Variants in NEB observed in about 807,000 individuals in gnomAD.
NEB encodes the protein nebulin, also known as nemaline myopathy type 2.
NEB carries 512 observed loss-of-function variants against 952.2 expected under a neutral mutation model. The ratio of observed to expected loss-of-function variants is 0.54; its 90% CI spans 0.50 to 0.58. The LOEUF is 0.58. Among genes scored for constraint, NEB ranks in the 20% least tolerant of loss-of-function variants. The pLI is 0.00. For synonymous variants in NEB, 2,900 were observed against 3,149.8 expected, an observed-to-expected ratio of 0.92 and a Z score of 2.66; for missense variants, 8,428 against 9,231.1, an observed-to-expected ratio of 0.91 and a Z score of 3.56.
At position 151,632,902 on chromosome 2, in the gene NEB, T is replaced by C. The variant is rs1422558635; in HGVS notation, c.9414+752A>G. Among the ~76,000 whole-genome samples the C allele has an allele frequency of 3.3e-5, 5 of 152,184 alleles. No homozygotes were observed. In the East Asian group the frequency reaches 9.6e-4, roughly 29 times the overall value. On this transcript the variant is annotated intron_variant, in intron 65 of 181. Transcript: ENST00000397345. ...CTATCTTTTCTGTGCAGGCAAAGCC[T>C]TTCTTTTTGGAAAGAATTGCAAAAC...
intron 15 of NEB, 27 bp from the exon 16 acceptor site, chr2:151,697,279 G>C (rs1339014438): frequency 6.2e-7 from 1 of 1,609,350 alleles, no homozygotes. Flanking sequence ...TTAGGCATAA[G>C]ATGCAGCCAT....
chr2:151,491,450 A>G, intron 179 of NEB: 1 of 366,902 alleles, frequency 2.7e-6, no homozygotes, highest in Non-Finnish European at 5.1e-6. Context: ...AAAATTAGAA[A>G]TGATAATAAT....
At position 151,627,169 on chromosome 2, in the gene NEB, T is replaced by C. The variant is rs371095047; in HGVS notation, c.10180A>G (p.Ile3394Val). 3.7e-6 allele frequency: 6 copies of C among 1,613,830 alleles called. No individual in the cohort carries two copies. The highest frequency in any genetic ancestry group is 3.3e-5 in the South Asian group (3 of 91,080). The part of the protein sequence containing the change: ...YKSDLQWLRG[I>V]GWVPIGSMDV... The stretch of plus-strand genomic sequence containing the variant: ...ATAGACCCAATGGGGACCCAGCCAA[T>C]GCCTCTCAGCCACTGGAGATCAGAT... Residue 3394 changes from isoleucine to valine, a missense_variant, in exon 70 of 182, where the codon ATT (isoleucine) becomes GTT (valine). Ile to Val is a conservative substitution (Grantham distance 29). This residue lies in a region of NEB where 1,772 missense variants were observed against 1,960.3 expected (regional missense o/e 0.90). Coordinates refer to ENST00000397345, the MANE Select transcript of NEB (RefSeq NM_001164508.2).
Position 151,619,580 on chromosome 2 carries a change from G to T in NEB, c.10743C>A (p.Ile3581=), listed in dbSNP as rs745748427. 1 of 1,613,910 alleles carries T rather than the reference G, an allele frequency of 6.2e-7. No homozygotes were observed. Among genetic ancestry groups the T allele is most frequent in the Non-Finnish European group, 8.5e-7 (1 of 1,179,852 alleles). Residue 3581 remains isoleucine (I), a synonymous_variant, in exon 73 of 182, where the codon ATC becomes ATA. Transcript: ENST00000397345. Reference sequence around the variant, plus strand: ...AGGTCTGACACTTCTTGGCCAAAACGATACCAAGCATGTCCACTGGGCTGC... The same window carrying T: ...AGGTCTGACACTTCTTGGCCAAAACTATACCAAGCATGTCCACTGGGCTGC... The part of the protein sequence containing the change: ...RYSSPVDMLG[I]VLAKKCQTLV...
In NEB at chr2:151,650,868, G is replaced by A. The variant is rs1156601950; in HGVS notation, c.6933C>T (p.Gly2311=). ...CATGGTGGCCAAGTTGCTTTCGGTA[G>A]CCTTGTTTGTATTTATACTGAAATC... The part of the protein sequence containing the change: ...DIASDYKYKQ[G]YRKQLGHHVG... Residue 2311 remains glycine (G), a synonymous_variant, in exon 53 of 182, where the codon GGC becomes GGT. Transcript: ENST00000397345. 2 of 1,611,980 alleles carry A rather than the reference G, an allele frequency of 1.2e-6. No individual in the cohort carries two copies. The highest frequency in any genetic ancestry group is 1.7e-6 in the Non-Finnish European group (2 of 1,178,824).
intron 181 of NEB, among the ~76,000 whole-genome samples, chr2:151,487,506 A>G (rs2051838173): frequency 6.6e-6 from 1 of 152,206 alleles, no homozygotes; most frequent in Admixed American, 6.5e-5. Flanking sequence ...CATTTAATAT[A>G]GCTTGGAAGT....
Position 151,518,286 on chromosome 2 carries a change from G to A in NEB, c.22800+32C>T, listed in dbSNP as rs16830136. 0.61 allele frequency: 883,584 copies of A among 1,451,234 alleles called. 272,464 individuals are homozygous for A. The highest frequency in any genetic ancestry group is 0.72 in the Admixed American group (42,833 of 59,780). The allele number at this position is 1,451,234 out of a possible 1,614,324, so 89.9% of individuals were successfully genotyped here. On this transcript the variant is annotated intron_variant, in intron 156 of 181. Coordinates refer to ENST00000397345, the MANE Select transcript of NEB (RefSeq NM_001164508.2). ...CACATTGTACTGTGGATGAATGTGC[G>A]CCAGAGGAAAAATCGGTCTTGATCC...
chr2:151,661,635 A>G (rs1304956156), intron 46 of NEB, among the ~76,000 whole-genome samples: 1 of 152,222 alleles, frequency 6.6e-6, no homozygotes, highest in Non-Finnish European at 1.5e-5. Flanking sequence ...AAAAGCTGGA[A>G]TAATTCATGA....
rs2151172705 is a variant in NEB, at chr2:151,733,719, C to T, written c.-37G>A. 1 of 152,230 alleles carries T rather than the reference C, an allele frequency of 6.6e-6. No homozygotes were observed. Among genetic ancestry groups the T allele is most frequent in the East Asian group, 1.9e-4 (1 of 5,208 alleles). The allele number at this position is 152,230 out of a possible 1,614,324, so 9.4% of individuals were successfully genotyped here. On this transcript the variant is annotated 5_prime_UTR_variant, in exon 2 of 182. Transcript: ENST00000397345. ...TAAAAGAAAAAAAGAAACCTCAAGG[C>T]AATGGGGTTATTTTCTTCCCGAACA...
intron 161 of NEB, among the ~76,000 whole-genome samples, chr2:151,508,684 CA>C (rs1199658643): frequency 6.6e-6 from 1 of 152,028 alleles, no homozygotes; most frequent in East Asian, 1.9e-4. Flanking sequence ...CTGCAGAAAG[CA>C]GCCTGACAGG....
At position 151,563,751 on chromosome 2, in the gene NEB, G is replaced by A. The variant is rs62174683; in HGVS notation, c.18580-32C>T. ...AGTGGGTTAAACATTGAGAATCGCTGGAGTTTCCTAACCAGCCCCTTGATC... is the reference window on the plus strand; with the variant it reads ...AGTGGGTTAAACATTGAGAATCGCTAGAGTTTCCTAACCAGCCCCTTGATC... On this transcript the variant is annotated intron_variant, in intron 118 of 181. Transcript: ENST00000397345. 28,989 of 1,608,658 alleles carry A rather than the reference G, an allele frequency of 0.018. 314 individuals carry two copies. Among genetic ancestry groups the A allele is most frequent in the Non-Finnish European group, 0.021 (24,549 of 1,175,148 alleles).
At chr2:151,676,263 A>C (rs2154201583) in intron 34 of NEB, among the ~76,000 whole-genome samples, 1 of 152,292 alleles carries the variant, frequency 6.6e-6, no homozygotes, top group South Asian at 2.1e-4. Flanking sequence ...CTTTAAGAAC[A>C]ATATCTAAGC....
intron 142 of NEB, chr2:151,534,364 G>T: frequency 1.9e-6 from 3 of 1,538,770 alleles, no homozygotes; most frequent in Middle Eastern, 1.7e-4. Flanking sequence ...ACAACTTCAA[G>T]GCTACACAAA....
chr2:151,727,675 G>A lies in NEB; in HGVS notation c.294+16C>T. 2 of 1,602,452 alleles carry A rather than the reference G, an allele frequency of 1.2e-6. No homozygotes were observed. The highest frequency in any genetic ancestry group is 1.3e-5 in the African/African-American group (1 of 74,806). Reference sequence around the variant, plus strand: ...TAATAATCAAGCCAGGTTAGCAGAAGTTGTTTGAAACTTACTGGGCTAAAA... The same window carrying A: ...TAATAATCAAGCCAGGTTAGCAGAAATTGTTTGAAACTTACTGGGCTAAAA... On this transcript the variant is annotated intron_variant, in intron 5 of 181. Coordinates refer to ENST00000397345, the MANE Select transcript of NEB (RefSeq NM_001164508.2).
intron 180 of NEB, 65 bp from the exon 181 acceptor site, chr2:151,490,142 T>TA: frequency 1.5e-6 from 2 of 1,323,996 alleles, no homozygotes; most frequent in Non-Finnish European, 2.1e-6. Context: ...AATCTGTGTT[T>TA]AGCAGCTGAG....
At position 151,613,564 on chromosome 2, in the gene NEB, A is replaced by G. The variant is rs541102012; in HGVS notation, c.11601+712T>C. Among the ~76,000 whole-genome samples, 3 of 152,324 alleles carry G rather than the reference A, an allele frequency of 2.0e-5. No individual in the cohort carries two copies. In the South Asian group the frequency reaches 6.2e-4, roughly 32 times the overall value. On this transcript the variant is annotated intron_variant, in intron 77 of 181. Transcript: ENST00000397345. ...ACACCTGACTTTGTCAGCTATAGAA[A>G]TCTCAAATCTTTTTATGTCCTATTA...
chr2:151,620,210 G>C (rs1399001140), intron 72 of NEB, among the ~76,000 whole-genome samples: 1 of 151,336 alleles, frequency 6.6e-6, no homozygotes. Context: ...TATTTAATAG[G>C]TAGAGAGTTT....
At chr2:151,577,891 T>C (rs2096936467) in intron 105 of NEB, among the ~76,000 whole-genome samples, 1 of 152,206 alleles carries the variant, frequency 6.6e-6, no homozygotes, top group Admixed American at 6.5e-5. Context: ...TGTCATGTTT[T>C]TTCTTCTTCT....
Position 151,498,001 on chromosome 2 carries a change from G to C in NEB, c.24207+259C>G, listed in dbSNP as rs910674725. ...CTCCTAAACAATCACATGAGGATTT[G>C]AGACTGTTAGAACTCGGTGTTGTTA... is the stretch of plus-strand genomic sequence containing the variant. On this transcript the variant is annotated intron_variant, in intron 170 of 181. Coordinates refer to ENST00000397345, the MANE Select transcript of NEB (RefSeq NM_001164508.2). 6.3e-6 allele frequency: 9 copies of C among 1,433,984 alleles called. No homozygotes were observed. In the East Asian group the frequency reaches 2.0e-4, roughly 32 times the overall value. 88.8% of individuals were successfully genotyped at this position (1,433,984 alleles called of 1,614,324 possible). A position where few individuals can be genotyped will look rare whatever the true frequency, so the allele number is the denominator to read the frequency against.
Sources: allele counts gnomAD v4.1 joint callset (sites outside exome capture counted in the v4.1 genomes callset), GRCh38; gene constraint gnomAD v4.1.1; regional missense constraint gnomAD v4.1.1; transcripts MANE v1.5; gene names NCBI Gene and HGNC (gene_info 2026-07-23, HGNC 2026-07-21).